SIPA1L2: variants seen among roughly 807,000 people sequenced by gnomAD.
The protein encoded by SIPA1L2 is signal-induced proliferation-associated 1-like protein 2.
Under a neutral mutation model 163.9 loss-of-function variants are expected in SIPA1L2, and 56 were observed. The ratio of observed to expected loss-of-function variants is 0.34; its 90% CI spans 0.28 to 0.43. The LOEUF (loss-of-function observed/expected upper bound fraction) is 0.43, where lower values mean the gene tolerates loss of function less well. SIPA1L2 is among the 20% of genes least tolerant of loss of function. The pLI is 1.00. For missense variants in SIPA1L2, 1,974 were observed against 2,193.5 expected (o/e 0.90, Z 2.00); for synonymous variants, 877 against 865.7 (o/e 1.01, Z -0.23).
At chr1:232,489,091 A>C (rs1665793861) in intron 5 of SIPA1L2, among the ~76,000 whole-genome samples, 1 of 152,204 alleles carries the variant, frequency 6.6e-6, no homozygotes, top group Non-Finnish European at 1.5e-5. Context: ...AAAACTTTCT[A>C]GAGCAGCCTC....
chr1:232,591,703 C>A (rs907796251), intron 1 of SIPA1L2, among the ~76,000 whole-genome samples: 1 of 152,142 alleles, frequency 6.6e-6, no homozygotes, highest in African/African-American at 2.4e-5. Context: ...CTAAGAAAAT[C>A]AAAAAGATGC....
chr1:232,510,604 T>C (rs1409768402), intron 3 of SIPA1L2, among the ~76,000 whole-genome samples: 2 of 152,066 alleles, frequency 1.3e-5, no homozygotes, highest in South Asian at 2.1e-4. Context: ...TCAGAAAAGG[T>C]GGAGGAAATA....
At chr1:232,576,666 C>T (rs752146055) in intron 1 of SIPA1L2, among the ~76,000 whole-genome samples, 1 of 152,068 alleles carries the variant, frequency 6.6e-6, no homozygotes, top group African/African-American at 2.4e-5. Context: ...CAAAACAGGC[C>T]GAAAGCTAAG....
rs1323723946 is a variant in SIPA1L2, at chr1:232,630,015, G to T, written c.-465C>A. Among the ~76,000 whole-genome samples the T allele has an allele frequency of 5.3e-5, 8 of 150,168 alleles. No homozygotes were observed. The highest frequency in any genetic ancestry group is 1.7e-4 in the African/African-American group (7 of 41,200). On this transcript the variant is annotated 5_prime_UTR_variant, in exon 1 of 23. Transcript: ENST00000674635. The stretch of plus-strand genomic sequence containing the variant: ...GCCGGGCTCCGGCGGAGGCGGCCCG[G>T]ACCCGCTGGCTGCGGCTGGAGCTCT...
chr1:232,580,727 C>CA (rs1237481450), intron 1 of SIPA1L2, among the ~76,000 whole-genome samples: 1 of 152,036 alleles, frequency 6.6e-6, no homozygotes, highest in Non-Finnish European at 1.5e-5. Flanking sequence ...TAGATGAGGA[C>CA]AAAGGAGGGC....
At position 232,569,800 on chromosome 1, in the gene SIPA1L2, A is replaced by C. The variant is rs145117479; in HGVS notation, c.-270+4374T>G. Among the ~76,000 whole-genome samples, 618 of 152,280 alleles carry C rather than the reference A, an allele frequency of 4.1e-3. 5 individuals are homozygous for C. The highest frequency in any genetic ancestry group is 0.014 in the African/African-American group (562 of 41,552). On this transcript the variant is annotated intron_variant, in intron 2 of 22. Transcript: ENST00000674635. ...TGCACTCTAGCCTGGGCAACAGAGC[A>C]AGACTCCATCTCTAAATAAATAAAT...
At chr1:232,516,109 T>C (rs1419763018) in intron 2 of SIPA1L2, among the ~76,000 whole-genome samples, 2 of 152,248 alleles carry the variant, frequency 1.3e-5, no homozygotes, top group East Asian at 3.8e-4. Context: ...GGTTTCAGTA[T>C]TATTAGTTTA....
intron 1 of SIPA1L2, among the ~76,000 whole-genome samples, chr1:232,593,978 G>GCTCCTGCC (rs1661104622): frequency 6.6e-6 from 1 of 152,186 alleles, no homozygotes; most frequent in South Asian, 2.1e-4. Context: ...TGCTCAGCTG[G>GCTCCTGCC]CTCCTGCCCT....
At chr1:232,577,396 G>T (rs1355693055) in intron 1 of SIPA1L2, among the ~76,000 whole-genome samples, 5 of 152,190 alleles carry the variant, frequency 3.3e-5, no homozygotes, top group African/African-American at 1.2e-4. Context: ...GGAGATGAAT[G>T]TTGTTTCTTG....
rs76479279 is a variant in SIPA1L2, at chr1:232,475,600, C to T, written c.2085+4027G>A. 3.1e-3 allele frequency among the ~76,000 whole-genome samples: 475 copies of T among 152,250 alleles called. 2 individuals are homozygous for T. Among genetic ancestry groups the T allele is most frequent in the Non-Finnish European group, 4.6e-3 (313 of 68,018 alleles). On this transcript the variant is annotated intron_variant, in intron 7 of 22. Transcript: ENST00000674635. Reference sequence around the variant, plus strand: ...ACAAAAGAAAGAAAAGTCTCACCCACCTCCTGCAAAAAAGTGAATGTTAGT... The same window carrying T: ...ACAAAAGAAAGAAAAGTCTCACCCATCTCCTGCAAAAAAGTGAATGTTAGT...
At chr1:232,462,075 T>A in intron 9 of SIPA1L2, 1 of 814,730 alleles carries the variant, frequency 1.2e-6, no homozygotes, top group Non-Finnish European at 2.1e-6. Context: ...TGTACCTTAC[T>A]CAAGAGTGAG....
At chr1:232,604,082 G>A (rs1661757809) in intron 1 of SIPA1L2, among the ~76,000 whole-genome samples, 1 of 151,912 alleles carries the variant, frequency 6.6e-6, no homozygotes, top group Non-Finnish European at 1.5e-5. Flanking sequence ...TCAAGCAGAA[G>A]GATACAACGC....
chr1:232,496,450 T>C (rs1558223120), intron 3 of SIPA1L2, among the ~76,000 whole-genome samples: 1 of 152,108 alleles, frequency 6.6e-6, no homozygotes, highest in Non-Finnish European at 1.5e-5. Context: ...CATGGCTGTA[T>C]TGTGTACTGA....
At chr1:232,518,709 C>G (rs1396292860) in intron 2 of SIPA1L2, among the ~76,000 whole-genome samples, 1 of 152,124 alleles carries the variant, frequency 6.6e-6, no homozygotes, top group African/African-American at 2.4e-5. Context: ...TCCTCTACTT[C>G]CCAAACACCC....
At chr1:232,408,339 T>C (rs1205025479) in intron 19 of SIPA1L2, among the ~76,000 whole-genome samples, 3 of 152,064 alleles carry the variant, frequency 2.0e-5, no homozygotes, top group South Asian at 2.1e-4. Flanking sequence ...TGATCACTTA[T>C]TAATTTTTTT....
chr1:232,616,014 C>T (rs1662482059), intron 1 of SIPA1L2, among the ~76,000 whole-genome samples: 1 of 152,210 alleles, frequency 6.6e-6, no homozygotes, highest in Non-Finnish European at 1.5e-5. Context: ...ATGACACAGA[C>T]TGAATTTTTT....
chr1:232,415,356 C>A (rs1184682753), intron 19 of SIPA1L2, 138 bp downstream of exon 19: 2 of 1,082,894 alleles, frequency 1.8e-6, no homozygotes, highest in African/African-American at 1.7e-5. Flanking sequence ...TGCTTGTTTT[C>A]ATCATCCAAC....
At position 232,398,294 on chromosome 1, in the gene SIPA1L2, A is replaced by G. The variant is rs1234022798; in HGVS notation, c.*833T>C. The G allele has an allele frequency of 1.3e-5, 2 of 152,668 alleles. No homozygotes were observed. Among genetic ancestry groups the G allele is most frequent in the Non-Finnish European group, 2.9e-5 (2 of 68,050 alleles). 9.5% of individuals were successfully genotyped at this position (152,668 alleles called of 1,614,324 possible). On this transcript the variant is annotated 3_prime_UTR_variant, in exon 23 of 23. Coordinates refer to ENST00000674635, the MANE Select transcript of SIPA1L2 (RefSeq NM_020808.5). ...AAGATAAACAAATCTGGCATTGTAC[A>G]AGTGGTTCCGCTGGCTCACAGCACA...
At chr1:232,450,939 T>C (rs1663538545) in intron 10 of SIPA1L2, among the ~76,000 whole-genome samples, 2 of 152,236 alleles carry the variant, frequency 1.3e-5, no homozygotes, top group South Asian at 4.1e-4. Flanking sequence ...TCCAACCTTG[T>C]GCAGAAAGTC....
Sources: gnomAD v4.1 joint callset for allele counts (sites outside exome capture counted in the v4.1 genomes callset) on GRCh38, gnomAD v4.1.1 for gene constraint, MANE v1.5 for transcripts, NCBI Gene and HGNC (gene_info 2026-07-23, HGNC 2026-07-21) for gene names.